MAGI2: variants seen among roughly 807,000 people sequenced by gnomAD.
MAGI2 encodes the protein membrane associated guanylate kinase, WW and PDZ domain containing 2.
In MAGI2, 35 loss-of-function variants were observed where a neutral mutation model predicts 133.3. The ratio of observed to expected loss-of-function variants is 0.26; its 90% CI spans 0.20 to 0.35. The LOEUF is 0.35. Among genes scored for constraint, MAGI2 ranks in the 10% least tolerant of loss-of-function variants. The probability of loss-of-function intolerance (pLI) is 1.00; values close to 1 mark genes in which losing one functional copy is unlikely to be tolerated. For missense variants in MAGI2, 1,636 were observed against 1,863.4 expected (o/e 0.88, Z 2.25); for synonymous variants, 729 against 710.6 (o/e 1.03, Z -0.41).
rs1450720627 is a variant in MAGI2 at position 78,722,225 on chromosome 7, G to C, written c.419-94986C>G. 2.0e-5 allele frequency among the ~76,000 whole-genome samples: 3 copies of C among 151,808 alleles called. No homozygotes were observed. In the East Asian group the frequency reaches 5.8e-4, roughly 29 times the overall value. On this transcript the variant is annotated intron_variant, in intron 2 of 21. Coordinates refer to ENST00000354212, the MANE Select transcript of MAGI2 (RefSeq NM_012301.4). ...GTATAATAAATAGCAGTAATAATAT[G>C]GGAATAAGCAATGTAGTTTTACTTT...
At chr7:79,048,772 G>A (rs1310281857) in intron 1 of MAGI2, among the ~76,000 whole-genome samples, 2 of 152,006 alleles carry the variant, frequency 1.3e-5, no homozygotes, top group Non-Finnish European at 2.9e-5. Context: ...TCGGGAGTTC[G>A]AGACCAGCCT....
intron 10 of MAGI2, among the ~76,000 whole-genome samples, chr7:78,216,783 C>T (rs1040998915): frequency 6.6e-6 from 1 of 152,180 alleles, no homozygotes; most frequent in Non-Finnish European, 1.5e-5. Context: ...ATGGTTGAGA[C>T]CACTAATTCG....
intron 1 of MAGI2, among the ~76,000 whole-genome samples, chr7:79,014,431 A>G (rs6969917): frequency 1 from 151,840 of 152,240 alleles, 75,720 homozygotes; most frequent in East Asian, 1. Flanking sequence ...AATCTCAAGT[A>G]TATCAAAATT....
At chr7:78,191,421 G>A (rs942935455) in intron 12 of MAGI2, among the ~76,000 whole-genome samples, 2 of 152,138 alleles carry the variant, frequency 1.3e-5, no homozygotes, top group Non-Finnish European at 2.9e-5. Flanking sequence ...TTGTGTAATG[G>A]AGCCTTGTTC....
intron 5 of MAGI2, among the ~76,000 whole-genome samples, chr7:78,495,358 C>T (rs73152128): frequency 0.17 from 26,230 of 151,934 alleles, 3,381 homozygotes; most frequent in African/African-American, 0.36. Context: ...TGAGAACATG[C>T]GGTGTTTGGT....
intron 1 of MAGI2, among the ~76,000 whole-genome samples, chr7:79,136,024 A>AGAAAGAAAGAAG (rs1554375928): frequency 1.6e-4 from 20 of 127,016 alleles, no homozygotes; most frequent in African/African-American, 6.4e-4. Context: ...AAAGAAAGAA[A>AGAAAGAAAGAAG]GAAGGAAAGA....
chr7:79,261,732 G>A (rs1361510711), intron 1 of MAGI2, among the ~76,000 whole-genome samples: 1 of 152,098 alleles, frequency 6.6e-6, no homozygotes, highest in Non-Finnish European at 1.5e-5. Context: ...AAGCTAAAAT[G>A]TTTACACAAA....
At chr7:78,550,350 T>C (rs2150701063) in intron 3 of MAGI2, among the ~76,000 whole-genome samples, 1 of 152,304 alleles carries the variant, frequency 6.6e-6, no homozygotes, top group East Asian at 1.9e-4. Flanking sequence ...AAATATTTAA[T>C]GCTCCACTTG....
chr7:78,290,084 G>C (rs891214430), intron 9 of MAGI2, among the ~76,000 whole-genome samples: 4 of 152,122 alleles, frequency 2.6e-5, no homozygotes, highest in Non-Finnish European at 5.9e-5. Context: ...ATAATGACAG[G>C]ATCAAATTCA....
chr7:78,883,076 C>T (rs1795998837), intron 2 of MAGI2, among the ~76,000 whole-genome samples: 1 of 152,074 alleles, frequency 6.6e-6, no homozygotes, highest in Non-Finnish European at 1.5e-5. Context: ...TCTTTCTTTG[C>T]TGATGATACA....
intron 2 of MAGI2, among the ~76,000 whole-genome samples, chr7:78,712,211 C>A (rs1043743482): frequency 6.6e-6 from 1 of 152,116 alleles, no homozygotes; most frequent in Admixed American, 6.5e-5. Flanking sequence ...TACAGTAAAT[C>A]ATTTAAGCTG....
At chr7:78,042,086 A>G (rs1246130027) in intron 21 of MAGI2, among the ~76,000 whole-genome samples, 1 of 152,192 alleles carries the variant, frequency 6.6e-6, no homozygotes, top group Non-Finnish European at 1.5e-5. Flanking sequence ...GACATGAGAC[A>G]TGGGCCTAAA....
At chr7:78,537,682 G>C (rs1283812259) in intron 3 of MAGI2, among the ~76,000 whole-genome samples, 1 of 151,892 alleles carries the variant, frequency 6.6e-6, no homozygotes, top group Non-Finnish European at 1.5e-5. Context: ...ATTTTTTGAT[G>C]GGATTATTTG....
chr7:79,361,332 A>G (rs900170095), intron 1 of MAGI2, among the ~76,000 whole-genome samples: 2 of 151,746 alleles, frequency 1.3e-5, no homozygotes, highest in Non-Finnish European at 1.5e-5. Context: ...AATGATATGG[A>G]AGGAGGGAAG....
intron 1 of MAGI2, chr7:79,412,142 C>CATAAATT (rs1846189447): frequency 6.6e-6 from 1 of 151,996 alleles, no homozygotes. Context: ...TCACTCATTT[C>CATAAATT]ATAAATTAGC....
intron 2 of MAGI2, among the ~76,000 whole-genome samples, chr7:78,840,847 A>G (rs567387482): frequency 8.3e-5 from 12 of 144,560 alleles, no homozygotes; most frequent in African/African-American, 2.8e-4. Flanking sequence ...TTGTTTTTTC[A>G]TTTGTATGGT....
At chr7:78,669,107 T>C (rs188210318) in intron 2 of MAGI2, among the ~76,000 whole-genome samples, 2,244 of 151,814 alleles carry the variant, frequency 0.015, 63 homozygotes, top group African/African-American at 0.052. Context: ...ACAAAAAACC[T>C]TTCAAAAAAT....
chr7:78,958,368 G>A (rs1201369998), intron 2 of MAGI2, among the ~76,000 whole-genome samples: 2 of 152,118 alleles, frequency 1.3e-5, no homozygotes, highest in Non-Finnish European at 2.9e-5. Flanking sequence ...CATTGATGCT[G>A]CAGCCTGTTT....
At chr7:79,299,379 G>A (rs1212990260) in intron 1 of MAGI2, among the ~76,000 whole-genome samples, 1 of 151,748 alleles carries the variant, frequency 6.6e-6, no homozygotes, top group Non-Finnish European at 1.5e-5. Flanking sequence ...TTATGGTCAG[G>A]AGATGGCCTG....
Sources: allele counts gnomAD v4.1 joint callset (sites outside exome capture counted in the v4.1 genomes callset), GRCh38; gene constraint gnomAD v4.1.1; transcripts MANE v1.5; gene names NCBI Gene and HGNC (gene_info 2026-07-23, HGNC 2026-07-21).